SNX29: variants seen among roughly 807,000 people sequenced by gnomAD.
SNX29 encodes sorting nexin 29.
SNX29 carries 78 observed loss-of-function variants against 102.1 expected under a neutral mutation model. The observed-to-expected ratio is 0.76, with a 90% confidence interval of 0.64 to 0.92. The LOEUF is 0.92. Among genes scored for constraint, SNX29 ranks in the 40% least tolerant of loss-of-function variants. The pLI is 0.00. For missense variants in SNX29, 1,280 were observed against 1,061.7 expected (o/e 1.21, Z -2.86); for synonymous variants, 580 against 414.5 (o/e 1.40, Z -4.85).
At chr16:12,308,690 T>C (rs1366242360) in intron 15 of SNX29, among the ~76,000 whole-genome samples, 1 of 152,212 alleles carries the variant, frequency 6.6e-6, no homozygotes, top group Non-Finnish European at 1.5e-5. Context: ...TAATATTTTC[T>C]ACTGCTATTT....
At chr16:12,549,790 C>G (rs575194350) in intron 20 of SNX29, among the ~76,000 whole-genome samples, 93 of 152,364 alleles carry the variant, frequency 6.1e-4, no homozygotes, top group South Asian at 2.5e-3. Context: ...TACTTGCAGA[C>G]AAGGCCCATC....
intron 14 of SNX29, among the ~76,000 whole-genome samples, chr16:12,213,845 G>C (rs1179791423): frequency 6.6e-6 from 1 of 152,192 alleles, no homozygotes; most frequent in African/African-American, 2.4e-5. Flanking sequence ...GCTGGGAGAC[G>C]TGGGGCTTAT....
At chr16:12,014,371 A>G (rs1184416389) in intron 3 of SNX29, among the ~76,000 whole-genome samples, 1 of 152,086 alleles carries the variant, frequency 6.6e-6, no homozygotes, top group Non-Finnish European at 1.5e-5. Flanking sequence ...CAGCATTTGC[A>G]TCTAGACCAA....
At chr16:12,564,624 C>G (rs946168054) in intron 20 of SNX29, among the ~76,000 whole-genome samples, 1 of 151,226 alleles carries the variant, frequency 6.6e-6, no homozygotes, top group African/African-American at 2.5e-5. Context: ...CTAGTCCCAG[C>G]ATTAACAGAG....
At chr16:12,033,414 G>C (rs1230901738) in intron 4 of SNX29, among the ~76,000 whole-genome samples, 1 of 151,508 alleles carries the variant, frequency 6.6e-6, no homozygotes, top group African/African-American at 2.4e-5. Flanking sequence ...CCTTTTTTCT[G>C]TTTTCATAAT....
At chr16:12,007,218 A>T (rs2151039295) in intron 3 of SNX29, among the ~76,000 whole-genome samples, 1 of 152,332 alleles carries the variant, frequency 6.6e-6, no homozygotes, top group Admixed American at 6.5e-5. Context: ...AGAAAGTTGA[A>T]TCTCGGCTGG....
chr16:12,104,020 A>G (rs1226674892), intron 11 of SNX29, among the ~76,000 whole-genome samples: 1 of 152,120 alleles, frequency 6.6e-6, no homozygotes, highest in Non-Finnish European at 1.5e-5. Flanking sequence ...AATGACCTAT[A>G]CTCGATTCAG....
intron 13 of SNX29, among the ~76,000 whole-genome samples, chr16:12,136,302 C>G (rs372478564): frequency 6.6e-6 from 1 of 152,222 alleles, no homozygotes; most frequent in African/African-American, 2.4e-5. Flanking sequence ...GTTGATGCGT[C>G]ACGGTCACTG....
At chr16:12,293,293 C>A (rs1237954091) in intron 15 of SNX29, among the ~76,000 whole-genome samples, 2 of 152,128 alleles carry the variant, frequency 1.3e-5, no homozygotes, top group Non-Finnish European at 2.9e-5. Context: ...GCAAGGTAGG[C>A]GGTGGTGGAT....
At chr16:12,447,982 C>T (rs960313712) in intron 18 of SNX29, among the ~76,000 whole-genome samples, 13 of 152,154 alleles carry the variant, frequency 8.5e-5, no homozygotes, top group African/African-American at 2.7e-4. Context: ...CATCTAGCAC[C>T]GGGAAGGCCT....
intron 13 of SNX29, among the ~76,000 whole-genome samples, chr16:12,176,272 C>G (rs1391676967): frequency 6.6e-6 from 1 of 152,210 alleles, no homozygotes; most frequent in Admixed American, 6.5e-5. Flanking sequence ...TTAGTGATGT[C>G]TCTTCTCCCA....
intron 13 of SNX29, among the ~76,000 whole-genome samples, chr16:12,157,859 C>T (rs1274471786): frequency 6.6e-6 from 1 of 152,216 alleles, no homozygotes; most frequent in African/African-American, 2.4e-5. Context: ...TTGTCTCCGT[C>T]TGCCCGAGGG....
intron 15 of SNX29, among the ~76,000 whole-genome samples, chr16:12,350,607 A>AGAG (rs1247949680): frequency 6.6e-6 from 1 of 152,138 alleles, no homozygotes; most frequent in Non-Finnish European, 1.5e-5. Flanking sequence ...TCAGAGGTGG[A>AGAG]GAGGTGACAA....
intron 11 of SNX29, among the ~76,000 whole-genome samples, chr16:12,119,080 A>G (rs1044320767): frequency 1.3e-5 from 2 of 152,204 alleles, no homozygotes; most frequent in Non-Finnish European, 2.9e-5. Flanking sequence ...CCTGTGTGGT[A>G]AGAACCTCAG....
chr16:12,529,091 G>A (rs1266917167), intron 20 of SNX29, among the ~76,000 whole-genome samples: 2 of 152,294 alleles, frequency 1.3e-5, no homozygotes, highest in African/African-American at 2.4e-5. Flanking sequence ...TTGAAGAATC[G>A]GGAGGTTGAG....
Position 12,296,973 on chromosome 16 carries a change from C to T in SNX29, c.1782+18937C>T, listed in dbSNP as rs572986753. 4.6e-5 allele frequency among the ~76,000 whole-genome samples: 7 copies of T among 152,304 alleles called. No individual in the cohort carries two copies. The East Asian group carries it at 5.8e-4, about 13-fold the overall frequency. ...TTTCACGGCATGCCTGGCTGCTGCC[C>T]GCTAGATGCTGGTGGCACCCCCTTC... On this transcript the variant is annotated intron_variant, in intron 15 of 20. Coordinates refer to ENST00000566228, the MANE Select transcript of SNX29 (RefSeq NM_032167.5).
At chr16:12,472,553 A>C (rs970756633) in intron 18 of SNX29, among the ~76,000 whole-genome samples, 2 of 151,788 alleles carry the variant, frequency 1.3e-5, no homozygotes, top group African/African-American at 4.8e-5. Context: ...ACAAAAAAAA[A>C]AAGAAAAAAA....
intron 20 of SNX29, among the ~76,000 whole-genome samples, chr16:12,557,088 A>G (rs1456975202): frequency 3.4e-5 from 5 of 146,580 alleles, no homozygotes; most frequent in African/African-American, 5.1e-5. Flanking sequence ...GGCTCAAGCC[A>G]TCTAGCTGCC....
At chr16:12,371,967 T>A (rs976668062) in intron 16 of SNX29, among the ~76,000 whole-genome samples, 1 of 152,130 alleles carries the variant, frequency 6.6e-6, no homozygotes, top group African/African-American at 2.4e-5. Flanking sequence ...GGTTTAACAT[T>A]TTTTCTAAGT....
Sources: gnomAD v4.1 joint callset for allele counts (sites outside exome capture counted in the v4.1 genomes callset) on GRCh38, gnomAD v4.1.1 for gene constraint, MANE v1.5 for transcripts, NCBI Gene and HGNC (gene_info 2026-07-23, HGNC 2026-07-21) for gene names.